Variants in ARFGAP3 observed in about 807,000 individuals in gnomAD.
ARFGAP3 encodes the protein ADP-ribosylation factor GTPase-activating protein 3.
ARFGAP3 carries 72 observed loss-of-function variants against 75.0 expected under a neutral mutation model. The ratio of observed to expected loss-of-function variants is 0.96; its 90% confidence interval spans 0.79 to 1.17. ARFGAP3 has a LOEUF of 1.17. Among genes scored for constraint, ARFGAP3 ranks in the 50% most tolerant of loss-of-function variants. ARFGAP3 has a pLI of 0.00. For missense variants in ARFGAP3, 620 were observed against 626.6 expected (o/e 0.99, Z 0.11); for synonymous variants, 221 against 217.9 (o/e 1.01, Z -0.13).
In ARFGAP3 at chr22:42,823,698, T is replaced by C. The variant is rs368201919; in HGVS notation, c.630A>G (p.Val210=). 1 of 1,569,058 alleles carries C rather than the reference T, an allele frequency of 6.4e-7. No individual in the cohort carries two copies. The highest frequency in any genetic ancestry group is 1.4e-5 in the African/African-American group (1 of 72,826). ...TTGGTTTCTTTTTTATGATAGAGGATACCTCTGCCAAAAAATAAAAATTAA... is the reference window on the plus strand; with the variant it reads ...TTGGTTTCTTTTTTATGATAGAGGACACCTCTGCCAAAAAATAAAAATTAA... The part of the protein sequence containing the change: ...LNVPTKATLE[V]SSIIKKKPNQ... Residue 210 remains valine, a synonymous_variant, in exon 8 of 16, where the codon GTA becomes GTG. Transcript: ENST00000263245.
At chr22:42,844,751 CCTTAAAAAT>C (rs1352443033) in intron 2 of ARFGAP3, among the ~76,000 whole-genome samples, 1 of 152,114 alleles carries the variant, frequency 6.6e-6, no homozygotes, top group Non-Finnish European at 1.5e-5. Flanking sequence ...CTCTTCTCTG[CCTTAAAAAT>C]AACAACAAAA....
rs762986844 is a variant in ARFGAP3, at chr22:42,808,728, G to A, written c.1320+39C>T. The A allele has an allele frequency of 2.1e-5, 32 of 1,531,984 alleles. No homozygotes were observed. The East Asian group carries it at 6.9e-4, about 33-fold the overall frequency. The allele number at this position is 1,531,984 out of a possible 1,614,324, so 94.9% of individuals were successfully genotyped here. ...ATGCCCACACCCACACTTCCTTCCT[G>A]CATTATGGGGCACCCAAAGAAACTC... On this transcript the variant is annotated intron_variant, in intron 13 of 15. Coordinates refer to ENST00000263245, the MANE Select transcript of ARFGAP3 (RefSeq NM_014570.5).
intron 5 of ARFGAP3, 100 bp from the exon 6 acceptor site, chr22:42,831,736 A>G: frequency 1.3e-6 from 2 of 1,559,240 alleles, no homozygotes; most frequent in South Asian, 2.4e-5. Flanking sequence ...AAACAGCCAC[A>G]TTCTGAGTCC....
At chr22:42,844,071 T>C (rs1926900428) in intron 2 of ARFGAP3, among the ~76,000 whole-genome samples, 1 of 151,978 alleles carries the variant, frequency 6.6e-6, no homozygotes. Context: ...AAGCAGTGCA[T>C]GTGTGTGTGT....
At position 42,810,744 on chromosome 22, in the gene ARFGAP3, T is replaced by C. The variant is rs1213815977; in HGVS notation, c.1196+69A>G. 4.3e-6 allele frequency: 6 copies of C among 1,383,998 alleles called. No individual in the cohort carries two copies. In the African/African-American group the frequency reaches 8.6e-5, roughly 20 times the overall value. The allele number at this position is 1,383,998 out of a possible 1,614,324, so 85.7% of individuals were successfully genotyped here. A position where few individuals can be genotyped will look rare whatever the true frequency, so the allele number is the denominator to read the frequency against. On this transcript the variant is annotated intron_variant, in intron 12 of 15. Coordinates refer to ENST00000263245, the MANE Select transcript of ARFGAP3 (RefSeq NM_014570.5). ...CCTTACAAGGGTTTTCATGTCATCATGTTATCAGCAATTTTTTCCCAGAAA... is the reference window on the plus strand; with the variant it reads ...CCTTACAAGGGTTTTCATGTCATCACGTTATCAGCAATTTTTTCCCAGAAA...
At chr22:42,807,034 A>C in intron 14 of ARFGAP3, 39 bp downstream of exon 14, 1 of 1,557,938 alleles carries the variant, frequency 6.4e-7, no homozygotes, top group Non-Finnish European at 8.7e-7. Flanking sequence ...TTCATACCGT[A>C]GACATGACAG....
intron 1 of ARFGAP3, among the ~76,000 whole-genome samples, chr22:42,851,612 G>C (rs766879702): frequency 6.6e-6 from 1 of 152,202 alleles, no homozygotes; most frequent in Non-Finnish European, 1.5e-5. Context: ...GAAGTGGTGA[G>C]AAATACAGGT....
intron 13 of ARFGAP3, among the ~76,000 whole-genome samples, chr22:42,808,020 T>C (rs1052893269): frequency 2.0e-5 from 3 of 151,864 alleles, no homozygotes; most frequent in South Asian, 2.1e-4. Context: ...GCTAGGATTA[T>C]AGGTGTGAGC....
chr22:42,850,987 G>A (rs1040874331), intron 1 of ARFGAP3, among the ~76,000 whole-genome samples: 14 of 152,238 alleles, frequency 9.2e-5, no homozygotes, highest in African/African-American at 3.4e-4. Flanking sequence ...TGTGGTGATG[G>A]CCATTAGGAG....
rs373668873 is a variant in ARFGAP3 at position 42,797,652 on chromosome 22, C to G, written c.1534-47G>C. 1.9e-6 allele frequency: 3 copies of G among 1,613,952 alleles called. No homozygotes were observed. In the African/African-American group the frequency reaches 4.0e-5, roughly 22 times the overall value. ...AAGTTCACGACCATTCAGCAGCGAT[C>G]CCTGACTCCCACGCCCTGAATATTC... On this transcript the variant is annotated intron_variant, in intron 15 of 15. Coordinates refer to ENST00000263245, the MANE Select transcript of ARFGAP3 (RefSeq NM_014570.5).
chr22:42,821,680 A>G (rs770937107), intron 9 of ARFGAP3, among the ~76,000 whole-genome samples: 1 of 152,264 alleles, frequency 6.6e-6, no homozygotes, highest in Non-Finnish European at 1.5e-5. Context: ...TAACGCCACT[A>G]TGAACATTCA....
chr22:42,843,022 G>T (rs1926853221), intron 2 of ARFGAP3, among the ~76,000 whole-genome samples: 1 of 152,020 alleles, frequency 6.6e-6, no homozygotes, highest in African/African-American at 2.4e-5. Flanking sequence ...AGGAAAGCAA[G>T]ACATTCAGAG....
At chr22:42,797,751 T>C in intron 15 of ARFGAP3, 146 bp from the exon 16 acceptor site, 1 of 1,557,658 alleles carries the variant, frequency 6.4e-7, no homozygotes, top group Non-Finnish European at 8.7e-7. Context: ...GGTGTGCTCA[T>C]CTGGAAGCAG....
intron 6 of ARFGAP3, among the ~76,000 whole-genome samples, chr22:42,829,942 C>T (rs551819045): frequency 6.6e-6 from 1 of 152,304 alleles, no homozygotes; most frequent in Non-Finnish European, 1.5e-5. Flanking sequence ...GTCCAAATTC[C>T]ATTCATCAAA....
At chr22:42,826,851 G>C in intron 7 of ARFGAP3, 89 bp downstream of exon 7, 1 of 1,084,922 alleles carries the variant, frequency 9.2e-7, no homozygotes. Flanking sequence ...TCCGTCAGGT[G>C]AGATGCCCAG....
At chr22:42,847,410 C>T (rs371500759) in intron 2 of ARFGAP3, 104 bp downstream of exon 2, 31 of 980,580 alleles carry the variant, frequency 3.2e-5, no homozygotes, top group African/African-American at 2.3e-4. Flanking sequence ...AGGTGACAGG[C>T]GACAAGGCAA....
chr22:42,857,179 C>A lies in ARFGAP3; in HGVS notation c.4G>T (p.Gly2Trp). ...AAGATGTCCTGCTTGCTGGGGTCCC[C>A]CATCGTCAGCTGTGAGCCGCGGCGC... M[G>W]DPSKQDILTI... Residue 2 changes from glycine (G) to tryptophan (W), a missense_variant, in exon 1 of 16, where the codon GGG becomes TGG. By Grantham distance (184) the Gly-to-Trp change is radical. Coordinates refer to ENST00000263245, the MANE Select transcript of ARFGAP3 (RefSeq NM_014570.5). 6.6e-7 allele frequency: 1 copy of A among 1,513,076 alleles called. No individual in the cohort carries two copies. Among genetic ancestry groups the A allele is most frequent in the Non-Finnish European group, 8.9e-7 (1 of 1,128,032 alleles). The allele number at this position is 1,513,076 out of a possible 1,614,324, so 93.7% of individuals were successfully genotyped here. A position where few individuals can be genotyped will look rare whatever the true frequency, so the allele number is the denominator to read the frequency against.
chr22:42,835,848 T>G (rs1009666813), intron 3 of ARFGAP3, among the ~76,000 whole-genome samples: 1 of 152,076 alleles, frequency 6.6e-6, no homozygotes, highest in African/African-American at 2.4e-5. Flanking sequence ...AAACTAGCTA[T>G]GAGACTTGCA....
intron 9 of ARFGAP3, among the ~76,000 whole-genome samples, chr22:42,819,160 T>C (rs988098587): frequency 1.3e-5 from 2 of 152,252 alleles, no homozygotes; most frequent in African/African-American, 4.8e-5. Flanking sequence ...CTGTTTCTTT[T>C]CTTTAATGAG....
Sources: gnomAD v4.1 joint callset for allele counts (sites outside exome capture counted in the v4.1 genomes callset) on GRCh38, gnomAD v4.1.1 for gene constraint, MANE v1.5 for transcripts, NCBI Gene and HGNC (gene_info 2026-07-23, HGNC 2026-07-21) for gene names.